Variants in TBC1D32 observed in about 807,000 individuals in gnomAD.
TBC1D32 encodes TBC1 domain family member 32.
TBC1D32 carries 151 observed loss-of-function variants against 170.3 expected under a neutral mutation model. The observed-to-expected ratio is 0.89, with a 90% CI of 0.78 to 1.01. TBC1D32 has a LOEUF of 1.01. Ranked by LOEUF, TBC1D32 falls within the 50% of genes least tolerant of loss-of-function variation. The pLI is 0.00. For synonymous variants in TBC1D32, 498 were observed against 488.0 expected, an observed-to-expected ratio of 1.02 and a Z score of -0.27; for missense variants, 1,464 against 1,457.1, an observed-to-expected ratio of 1.00 and a Z score of -0.08.
intron 29 of TBC1D32, among the ~76,000 whole-genome samples, chr6:121,110,565 T>C (rs1013234957): frequency 1.3e-5 from 2 of 152,126 alleles, no homozygotes; most frequent in Non-Finnish European, 2.9e-5. Context: ...GACAAGTTTG[T>C]ACTATCAACA....
chr6:121,174,771 C>T (rs1471005196), intron 22 of TBC1D32, among the ~76,000 whole-genome samples: 1 of 152,110 alleles, frequency 6.6e-6, no homozygotes, highest in Non-Finnish European at 1.5e-5. Context: ...TGAATCATGC[C>T]TGTAATCCCA....
rs78919631 is a variant in TBC1D32 at position 121,218,427 on chromosome 6, G to A, written c.2481+4809C>T. 2.6e-3 allele frequency among the ~76,000 whole-genome samples: 396 copies of A among 152,278 alleles called. 1 individual carries two copies. The highest frequency in any genetic ancestry group is 4.4e-3 in the Non-Finnish European group (297 of 68,024). ...CCACATGTGACGGTTAACACTGAGT[G>A]TCAACTTGATTGGATTGAAGGATGC... On this transcript the variant is annotated intron_variant, in intron 21 of 31. Transcript: ENST00000398212.
chr6:121,213,466 TAATAAAATAAAATAA>T (rs1554271835), intron 21 of TBC1D32, among the ~76,000 whole-genome samples: 7 of 24,766 alleles, frequency 2.8e-4, no homozygotes, highest in African/African-American at 6.7e-4. Context: ...ACAAAAATAA[TAATAAAATAAAATAA>T]AATAAAATAA....
intron 20 of TBC1D32, among the ~76,000 whole-genome samples, chr6:121,234,017 TA>T (rs1796052461): frequency 6.6e-6 from 1 of 152,176 alleles, no homozygotes; most frequent in African/African-American, 2.4e-5. Context: ...CTGTTTTGTT[TA>T]ATGAGGCTAA....
At chr6:121,309,680 GA>G (rs1807872485) in intron 4 of TBC1D32, among the ~76,000 whole-genome samples, 1 of 151,926 alleles carries the variant, frequency 6.6e-6, no homozygotes, top group Non-Finnish European at 1.5e-5. Flanking sequence ...CATAAACAGT[GA>G]TTTGTACAAT....
intron 17 of TBC1D32, among the ~76,000 whole-genome samples, chr6:121,245,457 C>A (rs934504638): frequency 1.4e-4 from 21 of 152,160 alleles, no homozygotes; most frequent in African/African-American, 5.1e-4. Context: ...ATCTGAATGG[C>A]AGGCCTTGAG....
intron 24 of TBC1D32, among the ~76,000 whole-genome samples, chr6:121,156,583 C>G (rs1024129639): frequency 1.7e-4 from 25 of 150,416 alleles, no homozygotes; most frequent in African/African-American, 6.1e-4. Flanking sequence ...GGTTTTTTTT[C>G]CATTTCCTCT....
At chr6:121,156,607 G>T (rs1474709887) in intron 24 of TBC1D32, among the ~76,000 whole-genome samples, 1 of 151,816 alleles carries the variant, frequency 6.6e-6, no homozygotes, top group African/African-American at 2.4e-5. Context: ...TATGATGTTA[G>T]ATCATTAATT....
At chr6:121,185,884 T>G (rs1247174992) in intron 22 of TBC1D32, among the ~76,000 whole-genome samples, 1 of 152,034 alleles carries the variant, frequency 6.6e-6, no homozygotes, top group African/African-American at 2.4e-5. Flanking sequence ...ATTGGTGGAA[T>G]GGCATGTTGA....
intron 17 of TBC1D32, among the ~76,000 whole-genome samples, chr6:121,245,543 C>T (rs1177443896): frequency 6.6e-6 from 1 of 152,190 alleles, no homozygotes. Flanking sequence ...TAAGGAAAGT[C>T]TACCTCTCTA....
At chr6:121,199,053 A>C (rs1791198338) in intron 22 of TBC1D32, among the ~76,000 whole-genome samples, 1 of 151,454 alleles carries the variant, frequency 6.6e-6, no homozygotes, top group Non-Finnish European at 1.5e-5. Context: ...GCAGAATATA[A>C]AATGCTACAG....
At chr6:121,117,138 A>C (rs558343150) in intron 26 of TBC1D32, among the ~76,000 whole-genome samples, 4 of 152,314 alleles carry the variant, frequency 2.6e-5, no homozygotes, top group African/African-American at 7.2e-5. Context: ...ATTTAGATAG[A>C]GTTACAATTG....
chr6:121,299,406 G>A (rs765358309), intron 10 of TBC1D32, 40 bp downstream of exon 10: 11 of 1,458,828 alleles, frequency 7.5e-6, no homozygotes, highest in Non-Finnish European at 1.0e-5. Context: ...ATATTCTGGT[G>A]ATATTATTTC....
intron 17 of TBC1D32, among the ~76,000 whole-genome samples, chr6:121,254,025 G>A (rs1246521010): frequency 3.3e-5 from 5 of 151,798 alleles, no homozygotes; most frequent in Admixed American, 6.6e-5. Flanking sequence ...AGAAAATGTG[G>A]TACATATATG....
chr6:121,306,615 C>G (rs1419008784), intron 5 of TBC1D32, among the ~76,000 whole-genome samples: 1 of 152,170 alleles, frequency 6.6e-6, no homozygotes, highest in Non-Finnish European at 1.5e-5. Flanking sequence ...AAAAGATCCT[C>G]TATAAGGAAA....
At chr6:121,278,912 G>A (rs1457855473) in intron 15 of TBC1D32, among the ~76,000 whole-genome samples, 1 of 151,920 alleles carries the variant, frequency 6.6e-6, no homozygotes, top group Non-Finnish European at 1.5e-5. Flanking sequence ...AAAATACAAG[G>A]GAGCAGATAA....
chr6:121,204,995 T>C (rs1310891274), intron 22 of TBC1D32, 80 bp downstream of exon 22: 3 of 775,932 alleles, frequency 3.9e-6, no homozygotes, highest in Middle Eastern at 3.8e-4. Context: ...TTTTAAATAC[T>C]TTTTTAAAGT....
chr6:121,217,512 T>C (rs770451208), intron 21 of TBC1D32, among the ~76,000 whole-genome samples: 1 of 152,222 alleles, frequency 6.6e-6, no homozygotes, highest in Admixed American at 6.5e-5. Context: ...CATGGCAACA[T>C]GGATGGAGCT....
rs1283637206 is a variant in TBC1D32 at position 121,158,018 on chromosome 6, TC to T, written c.2773+1991del. Among the ~76,000 whole-genome samples, 7 of 152,278 alleles carry T rather than the reference TC, an allele frequency of 4.6e-5. No individual in the cohort carries two copies. The East Asian group carries it at 7.7e-4, about 17-fold the overall frequency. ...CCTGTATAGTATCTTGCAAGTGATC[TC>T]TGTATTTCTTAAATTCTTGTGTCTA... On this transcript the variant is annotated intron_variant, in intron 24 of 31. Coordinates refer to ENST00000398212, the MANE Select transcript of TBC1D32 (RefSeq NM_152730.6).
Sources: allele counts gnomAD v4.1 joint callset (sites outside exome capture counted in the v4.1 genomes callset), GRCh38; gene constraint gnomAD v4.1.1; transcripts MANE v1.5; gene names NCBI Gene and HGNC (gene_info 2026-07-23, HGNC 2026-07-21).